AGBL4: variants seen among roughly 807,000 people sequenced by gnomAD.
AGBL4 encodes cytosolic carboxypeptidase 6.
A neutral mutation model predicts 66.4 loss-of-function variants in AGBL4; 58 were observed. The ratio of observed to expected loss-of-function variants is 0.87; its 90% confidence interval spans 0.71 to 1.09. AGBL4 has a LOEUF of 1.09. Ranked by LOEUF, AGBL4 falls within the 50% of genes least tolerant of loss-of-function variation. AGBL4 has a pLI of 0.00. For missense variants in AGBL4, 579 were observed against 631.0 expected (o/e 0.92, Z 0.88); for synonymous variants, 234 against 222.9 (o/e 1.05, Z -0.44).
intron 4 of AGBL4, among the ~76,000 whole-genome samples, chr1:49,070,214 A>C (rs1301250232): frequency 6.6e-6 from 1 of 151,814 alleles, no homozygotes; most frequent in Non-Finnish European, 1.5e-5. Flanking sequence ...CCTATTGAAT[A>C]CCCTTTATTT....
intron 4 of AGBL4, among the ~76,000 whole-genome samples, chr1:49,178,147 C>T (rs1384754639): frequency 6.6e-6 from 1 of 152,172 alleles, no homozygotes; most frequent in Non-Finnish European, 1.5e-5. Flanking sequence ...AATCCTAATT[C>T]TTTCACTTAC....
chr1:49,008,139 G>A (rs370796315), intron 5 of AGBL4, among the ~76,000 whole-genome samples: 2 of 151,944 alleles, frequency 1.3e-5, no homozygotes, highest in Non-Finnish European at 2.9e-5. Flanking sequence ...CCCATCTCAC[G>A]TGCAGAGACA....
At chr1:49,559,970 G>A (rs923291249) in intron 3 of AGBL4, among the ~76,000 whole-genome samples, 1 of 152,034 alleles carries the variant, frequency 6.6e-6, no homozygotes, top group Non-Finnish European at 1.5e-5. Context: ...CGACACCCAA[G>A]TTCTTTCAAA....
Position 49,662,913 on chromosome 1 carries a change from A to G in AGBL4, c.282+34400T>C, listed in dbSNP as rs966901987. Reference sequence around the variant, plus strand: ...CGTGCACATCAGCTTCTCAACTGCAAATCTGTGTAGAAGCTTCTACATATA... The same window carrying G: ...CGTGCACATCAGCTTCTCAACTGCAGATCTGTGTAGAAGCTTCTACATATA... On this transcript the variant is annotated intron_variant, in intron 3 of 13. Coordinates refer to ENST00000371839, the MANE Select transcript of AGBL4 (RefSeq NM_032785.4). Among the ~76,000 whole-genome samples, 3 of 152,128 alleles carry G rather than the reference A, an allele frequency of 2.0e-5. No individual in the cohort carries two copies. The South Asian group carries it at 6.2e-4, about 32-fold the overall frequency.
At chr1:48,821,932 T>C (rs750501203) in intron 6 of AGBL4, among the ~76,000 whole-genome samples, 10 of 152,196 alleles carry the variant, frequency 6.6e-5, no homozygotes, top group Non-Finnish European at 1.5e-4. Flanking sequence ...CAGAAGAAGA[T>C]ATTTGAATGT....
chr1:48,547,911 G>A (rs1644190530), intron 11 of AGBL4, among the ~76,000 whole-genome samples: 1 of 152,108 alleles, frequency 6.6e-6, no homozygotes, highest in African/African-American at 2.4e-5. Context: ...ACTTCTCTGT[G>A]GGTAAATGTA....
chr1:48,683,056 G>A (rs192358256), intron 6 of AGBL4, among the ~76,000 whole-genome samples: 3 of 152,342 alleles, frequency 2.0e-5, no homozygotes, highest in East Asian at 3.9e-4. Context: ...TTAGACACAG[G>A]CTTTGGGTCC....
At position 49,283,482 on chromosome 1, in the gene AGBL4, G is replaced by A. The variant is rs182968382; in HGVS notation, c.283-37618C>T. On this transcript the variant is annotated intron_variant, in intron 3 of 13. Transcript: ENST00000371839. ...AGCGTCTCTCCTCCTCCAAAGGAAC[G>A]CAGTTCCTCACCAGCAACGGAACAA... 2.8e-3 allele frequency among the ~76,000 whole-genome samples: 429 copies of A among 152,332 alleles called. 3 individuals are homozygous for A. The highest frequency in any genetic ancestry group is 5.3e-3 in the Non-Finnish European group (362 of 68,032).
rs541893551 is a variant in AGBL4, at chr1:49,370,630, T to C, written c.283-124766A>G. On this transcript the variant is annotated intron_variant, in intron 3 of 13. Transcript: ENST00000371839. ...CACCACAGCCTAGCCAACTGACACATAAATTTATCTATCACACTTAAATAA... is the reference window on the plus strand; with the variant it reads ...CACCACAGCCTAGCCAACTGACACACAAATTTATCTATCACACTTAAATAA... 5.3e-5 allele frequency among the ~76,000 whole-genome samples: 8 copies of C among 152,324 alleles called. No individual in the cohort carries two copies. In the East Asian group the frequency reaches 9.7e-4, roughly 18 times the overall value.
chr1:49,011,359 A>T (rs1386965115), intron 5 of AGBL4, among the ~76,000 whole-genome samples: 1 of 151,696 alleles, frequency 6.6e-6, no homozygotes, highest in African/African-American at 2.4e-5. Context: ...TAGAATGGCA[A>T]TCATTAAAAA....
intron 6 of AGBL4, among the ~76,000 whole-genome samples, chr1:48,709,565 G>A (rs1425970318): frequency 7.5e-6 from 1 of 133,744 alleles, no homozygotes; most frequent in African/African-American, 2.6e-5. Context: ...CCTTTAGTGA[G>A]CACTTACTAT....
At chr1:48,568,248 C>G (rs1294075967) in intron 11 of AGBL4, among the ~76,000 whole-genome samples, 1 of 152,164 alleles carries the variant, frequency 6.6e-6, no homozygotes, top group South Asian at 2.1e-4. Flanking sequence ...ATCTCTTGCA[C>G]TCTCTCCCCT....
chr1:48,864,643 G>T (rs1647815966), intron 6 of AGBL4, among the ~76,000 whole-genome samples: 1 of 152,160 alleles, frequency 6.6e-6, no homozygotes, highest in Admixed American at 6.6e-5. Flanking sequence ...ATAATCATGA[G>T]TAGGGAAAAA....
In AGBL4 at chr1:49,519,465, C is replaced by T. The variant is rs75683653; in HGVS notation, c.282+177848G>A. Among the ~76,000 whole-genome samples the T allele has an allele frequency of 5.8e-4, 88 of 151,988 alleles. No individual in the cohort carries two copies. The East Asian group carries it at 0.015, about 25-fold the overall frequency. On this transcript the variant is annotated intron_variant, in intron 3 of 13. Transcript: ENST00000371839. The stretch of plus-strand genomic sequence containing the variant: ...CAATTAGTTTGCTTTTATTTAATAC[C>T]GGAGTTCATCCTGTTTTACAGGTGA...
Position 49,679,872 on chromosome 1 carries a change from C to T in AGBL4, c.282+17441G>A, listed in dbSNP as rs539850343. ...TCTCTTTTAATCACTTAATGCTCTACCATTTATAACACAATTACCTTAAAT... is the reference window on the plus strand; with the variant it reads ...TCTCTTTTAATCACTTAATGCTCTATCATTTATAACACAATTACCTTAAAT... On this transcript the variant is annotated intron_variant, in intron 3 of 13. Transcript: ENST00000371839. Among the ~76,000 whole-genome samples, 10 of 152,168 alleles carry T rather than the reference C, an allele frequency of 6.6e-5. No individual in the cohort carries two copies. The South Asian group carries it at 1.9e-3, about 28-fold the overall frequency.
intron 3 of AGBL4, among the ~76,000 whole-genome samples, chr1:49,513,875 G>A (rs2148788886): frequency 6.6e-6 from 1 of 152,058 alleles, no homozygotes; most frequent in East Asian, 1.9e-4. Flanking sequence ...CACTGTGGTG[G>A]GCATAAGCAG....
chr1:48,801,208 C>T (rs548694908), intron 6 of AGBL4, among the ~76,000 whole-genome samples: 12 of 152,290 alleles, frequency 7.9e-5, no homozygotes, highest in Non-Finnish European at 1.5e-4. Context: ...AGGCAGCCCA[C>T]GTGCAGGGCT....
chr1:48,781,401 A>G (rs1225162360), intron 6 of AGBL4, among the ~76,000 whole-genome samples: 1 of 152,246 alleles, frequency 6.6e-6, no homozygotes, highest in Non-Finnish European at 1.5e-5. Flanking sequence ...TATGTGCCAT[A>G]GGGCGCCTCT....
intron 3 of AGBL4, among the ~76,000 whole-genome samples, chr1:49,633,968 T>C (rs1474059943): frequency 6.7e-6 from 1 of 149,924 alleles, no homozygotes; most frequent in African/African-American, 2.4e-5. Context: ...TTTTTCATAA[T>C]ATTTTAAGTC....
Sources: gnomAD v4.1 joint callset for allele counts (sites outside exome capture counted in the v4.1 genomes callset) on GRCh38, gnomAD v4.1.1 for gene constraint, MANE v1.5 for transcripts, NCBI Gene and HGNC (gene_info 2026-07-23, HGNC 2026-07-21) for gene names.